The following ACAP3 variants were observed in gnomAD, a reference collection of about 807,000 sequenced individuals.
ACAP3 encodes the protein ArfGAP with coiled-coil, ankyrin repeat and PH domains 3.
A neutral mutation model predicts 104.1 loss-of-function variants in ACAP3; 56 were observed. The observed-to-expected ratio is 0.54, with a 90% CI of 0.43 to 0.67. The LOEUF (loss-of-function observed/expected upper bound fraction) is 0.67, where lower values mean the gene tolerates loss of function less well. ACAP3 is among the 30% of genes least tolerant of loss of function. The pLI is 0.00. For synonymous variants in ACAP3, 628 were observed against 496.2 expected, an observed-to-expected ratio of 1.27 and a Z score of -3.53; for missense variants, 1,208 against 1,174.9, an observed-to-expected ratio of 1.03 and a Z score of -0.41.
Position 1,303,557 on chromosome 1 carries a change from C to T in ACAP3, c.106-276G>A. 1.8e-6 allele frequency: 1 copy of T among 552,918 alleles called. No homozygotes were observed. The highest frequency in any genetic ancestry group is 2.1e-5 in the South Asian group (1 of 48,262). 34.3% of individuals were successfully genotyped at this position (552,918 alleles called of 1,614,324 possible). A position where few individuals can be genotyped will look rare whatever the true frequency, so the allele number is the denominator to read the frequency against. ...GGCCAGCAGGACCAGCAGAACCAGC[C>T]CATGTGGGGCTCATGGATAAGGCTG... On this transcript the variant is annotated intron_variant, in intron 2 of 23. Coordinates refer to ENST00000354700, the MANE Select transcript of ACAP3 (RefSeq NM_030649.3). This position sits in a 1 kb window ranked among gnomAD's most constrained non-coding sequence, Gnocchi z 4.0.
At chr1:1,293,747 G>GGCCCCGCCCCTGCCCTGGAT in intron 23 of ACAP3, 39 bp from the exon 24 acceptor site, 1 of 1,438,332 alleles carries the variant, frequency 7.0e-7, no homozygotes, top group Non-Finnish European at 9.0e-7. Context: ...CTGCCCTGGA[G>GGCCCCGCCCCTGCCCTGGAT]GCCCCGCCCC....
In ACAP3 at chr1:1,298,688, A is replaced by T. The variant is rs374977469; in HGVS notation, c.751-9T>A. On this transcript the variant is annotated splice_polypyrimidine_tract_variant and intron_variant, in intron 10 of 23. Transcript: ENST00000354700. ...TCATCGTAGGAGAAGTCCTGGGGGGATGGAACCCGCCCCCTCAGTGCCCAC... is the reference window on the plus strand; with the variant it reads ...TCATCGTAGGAGAAGTCCTGGGGGGTTGGAACCCGCCCCCTCAGTGCCCAC... The T allele has an allele frequency of 1.2e-6, 2 of 1,603,264 alleles. No individual in the cohort carries two copies. The highest frequency in any genetic ancestry group is 8.5e-7 in the Non-Finnish European group (1 of 1,171,938).
intron 19 of ACAP3, chr1:1,295,068 G>A (rs1217283793): frequency 5.3e-6 from 3 of 561,244 alleles, no homozygotes; most frequent in African/African-American, 1.9e-5. Flanking sequence ...CCCGCTCGCC[G>A]CCTTACCCGG....
In ACAP3 at chr1:1,294,763, GGACGTCCGAGCT is replaced by G; in HGVS notation, c.1855_1866del (p.Ser619_Val622del). 6.5e-7 allele frequency: 1 copy of G among 1,549,950 alleles called. No individual in the cohort carries two copies. Among genetic ancestry groups the G allele is most frequent in the Non-Finnish European group, 8.7e-7 (1 of 1,146,742 alleles). ...ACCACAGAGCCCGAGCCGAAAGCCA[GGACGTCCGAGCT>G]GCCATCCGAGCTGCCCCCAAGGCCA... is the stretch of plus-strand genomic sequence containing the variant. On this transcript the variant is annotated inframe_deletion, in exon 20 of 24. Transcript: ENST00000354700.
intron 19 of ACAP3, 90 bp downstream of exon 19, chr1:1,295,357 C>G (rs1433451242): frequency 1.6e-5 from 20 of 1,261,296 alleles, no homozygotes; most frequent in Non-Finnish European, 2.1e-5. Flanking sequence ...CTGCTCCATT[C>G]CCTGGCAAGG....
At position 1,297,980 on chromosome 1, in the gene ACAP3, C is replaced by A. The variant is rs545319094; in HGVS notation, c.1016+33G>T. 171 of 1,610,852 alleles carry A rather than the reference C, an allele frequency of 1.1e-4. 2 individuals are homozygous for A. The South Asian group carries it at 1.8e-3, about 17-fold the overall frequency. On this transcript the variant is annotated intron_variant, in intron 13 of 23. Coordinates refer to ENST00000354700, the MANE Select transcript of ACAP3 (RefSeq NM_030649.3). ...GCGTCAGCTCCGGTGGGCAGGTACG[C>A]CCCCCGCCCCACCCTGGGCTGGGCC...
chr1:1,304,843 G>A (rs1193902937), intron 1 of ACAP3: 3 of 152,454 alleles, frequency 2.0e-5, no homozygotes, highest in African/African-American at 7.2e-5. Flanking sequence ...CCGGAAGACA[G>A]GAGGCAGATG....
intron 14 of ACAP3, 25 bp from the exon 15 acceptor site, chr1:1,296,658 G>C (rs942869347): frequency 5.9e-6 from 9 of 1,521,378 alleles, no homozygotes; most frequent in African/African-American, 1.4e-5. Context: ...GGAGCTGCTC[G>C]GTCCCGCAGG....
intron 1 of ACAP3, chr1:1,307,319 C>G (rs761840769): frequency 1.6e-6 from 2 of 1,289,210 alleles, no homozygotes; most frequent in East Asian, 1.1e-4. Context: ...AACCACTTCA[C>G]GTTTCCAAGC....
chr1:1,306,434 G>A (rs1302414519), intron 1 of ACAP3, among the ~76,000 whole-genome samples: 6 of 152,140 alleles, frequency 3.9e-5, no homozygotes, highest in African/African-American at 1.2e-4. Flanking sequence ...AGGATCCTAG[G>A]GTGCTCAAGT....
chr1:1,294,391 G>A lies in ACAP3; in HGVS notation c.2139+11C>T. ...CCTGTGTCCTGCGCGCAGCCCCCGT[G>A]GCTCGCTCACCCCTAGCACGGCCTG... On this transcript the variant is annotated intron_variant, in intron 21 of 23. Transcript: ENST00000354700. 1 of 1,566,840 alleles carries A rather than the reference G, an allele frequency of 6.4e-7. No homozygotes were observed.
chr1:1,300,506 G>A lies in ACAP3; in HGVS notation c.522+3C>T. ...CGCCCCCCAGCCCATTTCTGGGGCT[G>A]ACCTGGAGCACATAGTCCAGTGCCA... On this transcript the variant is annotated splice_donor_region_variant and intron_variant, in intron 6 of 23. Coordinates refer to ENST00000354700, the MANE Select transcript of ACAP3 (RefSeq NM_030649.3). 6.2e-7 allele frequency: 1 copy of A among 1,607,204 alleles called. No individual in the cohort carries two copies. Among genetic ancestry groups the A allele is most frequent in the Non-Finnish European group, 8.5e-7 (1 of 1,177,890 alleles).
chr1:1,305,104 C>G (rs1306773673), intron 1 of ACAP3: 3 of 152,434 alleles, frequency 2.0e-5, no homozygotes, highest in Non-Finnish European at 4.4e-5. Flanking sequence ...GGGGGAGGGG[C>G]CTGTGGTTTA....
At position 1,294,567 on chromosome 1, in the gene ACAP3, C is replaced by A; in HGVS notation, c.1974G>T (p.Trp658Cys). 6.6e-7 allele frequency: 1 copy of A among 1,508,072 alleles called. No individual in the cohort carries two copies. Among genetic ancestry groups the A allele is most frequent in the South Asian group, 1.3e-5 (1 of 79,216 alleles). The allele number at this position is 1,508,072 out of a possible 1,614,324, so 93.4% of individuals were successfully genotyped here. A position where few individuals can be genotyped will look rare whatever the true frequency, so the allele number is the denominator to read the frequency against. Residue 658 changes from tryptophan to cysteine, a missense_variant, in exon 21 of 24, where the codon TGG becomes TGT. Coordinates refer to ENST00000354700, the MANE Select transcript of ACAP3 (RefSeq NM_030649.3). The stretch of plus-strand genomic sequence containing the variant: ...GCAGCTCGCGCACGTCCGCCAGGCC[C>A]CAGGCCTCGGCCTCAGTGTCCCCGT... Reference protein sequence around the residue: ...EADGDTEAEAWGLADVRELHP... With the variant: ...EADGDTEAEACGLADVRELHP...
At position 1,303,495 on chromosome 1, in the gene ACAP3, C is replaced by A. The variant is rs765166316; in HGVS notation, c.106-214G>T. On this transcript the variant is annotated intron_variant, in intron 2 of 23. Transcript: ENST00000354700. The surrounding 1 kb of genome is among the most constrained non-coding windows in gnomAD (Gnocchi z 4.0). ...AGGGGAGGGTGGGGCCGCCACGGCTCGGCTGGGAGGGACCAGGAGCCAGGC... is the reference window on the plus strand; with the variant it reads ...AGGGGAGGGTGGGGCCGCCACGGCTAGGCTGGGAGGGACCAGGAGCCAGGC... 23 of 677,682 alleles carry A rather than the reference C, an allele frequency of 3.4e-5. No individual in the cohort carries two copies. Among genetic ancestry groups the A allele is most frequent in the Non-Finnish European group, 5.5e-5 (23 of 415,048 alleles). The allele number at this position is 677,682 out of a possible 1,614,324, so 42.0% of individuals were successfully genotyped here.
In ACAP3 at chr1:1,296,401, CCAGCCT is replaced by C. The variant is rs1641154994; in HGVS notation, c.1337+18_1337+23del. On this transcript the variant is annotated intron_variant, in intron 15 of 23. Coordinates refer to ENST00000354700, the MANE Select transcript of ACAP3 (RefSeq NM_030649.3). ...GGATGCTCCAGCCCAACCCCCACCCCCAGCCTGGCCCTCAGGGGCCCACCTGTGGAT... is the reference window on the plus strand; with the variant it reads ...GGATGCTCCAGCCCAACCCCCACCCCGGCCCTCAGGGGCCCACCTGTGGAT... 6 of 1,532,188 alleles carry C rather than the reference CCAGCCT, an allele frequency of 3.9e-6. No homozygotes were observed. Among genetic ancestry groups the C allele is most frequent in the Non-Finnish European group, 5.2e-6 (6 of 1,143,620 alleles). 94.9% of individuals were successfully genotyped at this position (1,532,188 alleles called of 1,614,324 possible). A position where few individuals can be genotyped will look rare whatever the true frequency, so the allele number is the denominator to read the frequency against.
At chr1:1,304,357 C>T (rs1641589749) in intron 1 of ACAP3, 5 of 620,258 alleles carry the variant, frequency 8.1e-6, no homozygotes, top group Admixed American at 2.9e-5. Flanking sequence ...CAGAGGCAGC[C>T]GCTGCTGTGC....
At chr1:1,294,023 C>T in intron 22 of ACAP3, 67 bp downstream of exon 22, 1 of 1,475,076 alleles carries the variant, frequency 6.8e-7, no homozygotes, top group Middle Eastern at 1.9e-4. Flanking sequence ...GCATGGCGGA[C>T]AGGGCGTAGC....
rs1334947575 is a variant in ACAP3, at chr1:1,297,733, G to A, written c.1128+89C>T. On this transcript the variant is annotated intron_variant, in intron 14 of 23. Transcript: ENST00000354700. ...GGGCAGGGGCCATCCCCGGTGGCAC[G>A]TGTGTGTGTGCACAGGCGCGGGGCA... 2.9e-4 allele frequency: 303 copies of A among 1,040,284 alleles called. 10 individuals carry two copies. Among genetic ancestry groups the A allele is most frequent in the Non-Finnish European group, 3.8e-4 (295 of 781,212 alleles). 64.4% of individuals were successfully genotyped at this position (1,040,284 alleles called of 1,614,324 possible). A position where few individuals can be genotyped will look rare whatever the true frequency, so the allele number is the denominator to read the frequency against.
Sources: allele counts gnomAD v4.1 joint callset (sites outside exome capture counted in the v4.1 genomes callset), GRCh38; gene constraint gnomAD v4.1.1; non-coding constraint Gnocchi (gnomAD v3.1); transcripts MANE v1.5; gene names NCBI Gene and HGNC (gene_info 2026-07-23, HGNC 2026-07-21).